The following CAMK1D variants were observed in gnomAD, a reference collection of about 807,000 sequenced individuals.
CAMK1D encodes the protein calcium/calmodulin-dependent protein kinase type 1D.
A neutral mutation model predicts 47.7 loss-of-function variants in CAMK1D; 9 were observed. That is an observed-to-expected ratio of 0.19 (90% CI 0.11 to 0.33). CAMK1D has a LOEUF of 0.33. Ranked by LOEUF, CAMK1D falls within the 10% of genes least tolerant of loss-of-function variation. CAMK1D has a pLI of 1.00. For missense variants in CAMK1D, 291 were observed against 488.7 expected, an observed-to-expected ratio of 0.60 and a Z score of 3.81; for synonymous variants, 184 against 184.9, an observed-to-expected ratio of 0.99 and a Z score of 0.04.
At chr10:12,794,914 A>G (rs1838130625) in intron 6 of CAMK1D, among the ~76,000 whole-genome samples, 1 of 152,188 alleles carries the variant, frequency 6.6e-6, no homozygotes, top group Admixed American at 6.5e-5. Context: ...TTATGAATTC[A>G]TCTTTTCTCA....
intron 2 of CAMK1D, among the ~76,000 whole-genome samples, chr10:12,579,678 C>T (rs1224330093): frequency 6.6e-6 from 1 of 152,194 alleles, no homozygotes; most frequent in Non-Finnish European, 1.5e-5. Flanking sequence ...TTGACCATCT[C>T]TCAAGCTCGC....
chr10:12,560,666 C>A (rs11599649), intron 2 of CAMK1D, among the ~76,000 whole-genome samples: 74,243 of 151,692 alleles, frequency 0.49, 19,142 homozygotes, highest in Non-Finnish European at 0.58. Flanking sequence ...TAAAGCTAGT[C>A]CTTGAATTTC....
intron 1 of CAMK1D, among the ~76,000 whole-genome samples, chr10:12,485,471 G>A (rs946595591): frequency 1.3e-5 from 2 of 152,166 alleles, no homozygotes; most frequent in Non-Finnish European, 2.9e-5. Context: ...AGCTGCAAAT[G>A]TGTCTGCTGC....
At chr10:12,544,231 C>G (rs1030985446) in intron 1 of CAMK1D, among the ~76,000 whole-genome samples, 4 of 152,082 alleles carry the variant, frequency 2.6e-5, no homozygotes, top group African/African-American at 7.2e-5. Context: ...CACAGAGATT[C>G]CTTTTTGATG....
At chr10:12,368,693 CA>C (rs928687474) in intron 1 of CAMK1D, among the ~76,000 whole-genome samples, 2 of 147,072 alleles carry the variant, frequency 1.4e-5, no homozygotes, top group African/African-American at 2.5e-5. Flanking sequence ...TTGGGAGGCC[CA>C]AATCATTCCA....
intron 2 of CAMK1D, among the ~76,000 whole-genome samples, chr10:12,556,545 A>G (rs1015394372): frequency 1.7e-4 from 26 of 152,110 alleles, no homozygotes; most frequent in African/African-American, 6.3e-4. Flanking sequence ...AGGGTCAGAA[A>G]CGCAGAGGGA....
chr10:12,526,486 G>A (rs1835625805), intron 1 of CAMK1D, among the ~76,000 whole-genome samples: 1 of 152,128 alleles, frequency 6.6e-6, no homozygotes, highest in African/African-American at 2.4e-5. Context: ...TCTCAGGGGT[G>A]CTTTTTCCCA....
intron 3 of CAMK1D, among the ~76,000 whole-genome samples, chr10:12,752,526 C>T (rs922909321): frequency 6.6e-6 from 1 of 152,104 alleles, no homozygotes; most frequent in Admixed American, 6.6e-5. Context: ...ACACTAAAAG[C>T]CAGACTTCAC....
chr10:12,466,591 T>TG (rs1358754007), intron 1 of CAMK1D, among the ~76,000 whole-genome samples: 1 of 130,206 alleles, frequency 7.7e-6, no homozygotes, highest in Non-Finnish European at 1.7e-5. Context: ...TCTCTGAATT[T>TG]CTTTTTTTTT....
intron 6 of CAMK1D, among the ~76,000 whole-genome samples, chr10:12,810,421 C>G (rs1832556316): frequency 6.6e-6 from 1 of 152,018 alleles, no homozygotes; most frequent in Non-Finnish European, 1.5e-5. Flanking sequence ...ATTACAGGCA[C>G]CTGCCACCAC....
At chr10:12,712,639 C>G (rs1833980111) in intron 3 of CAMK1D, among the ~76,000 whole-genome samples, 1 of 152,128 alleles carries the variant, frequency 6.6e-6, no homozygotes, top group Admixed American at 6.5e-5. Flanking sequence ...ATCCTGGGGG[C>G]CCCATTTGTT....
intron 2 of CAMK1D, among the ~76,000 whole-genome samples, chr10:12,649,619 A>G (rs953132609): frequency 6.6e-6 from 1 of 152,158 alleles, no homozygotes. Flanking sequence ...ATGACAGATC[A>G]TGTTTTTGTT....
chr10:12,444,644 A>G (rs1832878238), intron 1 of CAMK1D, among the ~76,000 whole-genome samples: 2 of 152,234 alleles, frequency 1.3e-5, no homozygotes, highest in African/African-American at 4.8e-5. Context: ...GGGATTTCCA[A>G]AATCTCTGAA....
chr10:12,818,823 T>C (rs569443308), intron 8 of CAMK1D, among the ~76,000 whole-genome samples: 80 of 152,292 alleles, frequency 5.3e-4, no homozygotes, highest in African/African-American at 1.9e-3. Flanking sequence ...AAGGAAAGGC[T>C]TGGGGGAGAA....
At chr10:12,383,396 C>A (rs1448576563) in intron 1 of CAMK1D, among the ~76,000 whole-genome samples, 1 of 152,082 alleles carries the variant, frequency 6.6e-6, no homozygotes, top group East Asian at 1.9e-4. Context: ...CAGAATAAAG[C>A]CTTTCTTTTC....
chr10:12,825,463 T>C (rs1833167070), intron 9 of CAMK1D, 110 bp from the exon 10 acceptor site: 3 of 1,003,926 alleles, frequency 3.0e-6, no homozygotes, highest in Non-Finnish European at 4.4e-6. Flanking sequence ...ATGAGAATGA[T>C]GTAAGGAGTT....
chr10:12,700,536 G>A (rs1305269553), intron 3 of CAMK1D, among the ~76,000 whole-genome samples: 1 of 152,198 alleles, frequency 6.6e-6, no homozygotes, highest in East Asian at 1.9e-4. Context: ...TGGGGACACA[G>A]CCAACCAATA....
chr10:12,670,154 G>A (rs1564480103), intron 3 of CAMK1D, among the ~76,000 whole-genome samples: 1 of 132,032 alleles, frequency 7.6e-6, no homozygotes, highest in Non-Finnish European at 1.6e-5. Context: ...TTGGCCAGCG[G>A]TATGTGTCAG....
chr10:12,767,864 GAGTTAGTT>G (rs377270372), intron 4 of CAMK1D, among the ~76,000 whole-genome samples: 6 of 152,238 alleles, frequency 3.9e-5, no homozygotes, highest in African/African-American at 1.4e-4. Flanking sequence ...GGAGGACTTT[GAGTTAGTT>G]AGTTAGTTAG....
Sources: allele counts gnomAD v4.1 joint callset (sites outside exome capture counted in the v4.1 genomes callset), GRCh38; gene constraint gnomAD v4.1.1; transcripts MANE v1.5; gene names NCBI Gene and HGNC (gene_info 2026-07-23, HGNC 2026-07-21).